Variants in ARNT2 observed in about 807,000 individuals in gnomAD.
ARNT2 encodes aryl hydrocarbon receptor nuclear translocator 2.
In ARNT2, 36 loss-of-function variants were observed where a neutral mutation model predicts 91.7. The ratio of observed to expected loss-of-function variants is 0.39; its 90% CI spans 0.30 to 0.52. ARNT2 has a LOEUF of 0.52. Ranked by LOEUF, ARNT2 falls within the 20% of genes least tolerant of loss-of-function variation. The pLI, the probability that ARNT2 is intolerant of heterozygous loss-of-function variation, is 0.72. For missense variants in ARNT2, 775 were observed against 939.3 expected, an observed-to-expected ratio of 0.83 and a Z score of 2.29; for synonymous variants, 365 against 347.1, an observed-to-expected ratio of 1.05 and a Z score of -0.57.
At position 80,541,715 on chromosome 15, in the gene ARNT2, G is replaced by A. The variant is rs567087960; in HGVS notation, c.878-9484G>A. On this transcript the variant is annotated intron_variant, in intron 8 of 18. Coordinates refer to ENST00000303329, the MANE Select transcript of ARNT2 (RefSeq NM_014862.4). ...CACTTTTAAAGGTCATGTACTGTTA[G>A]AGGATATTGTGCAAACAATGCTTGG... 6.6e-5 allele frequency among the ~76,000 whole-genome samples: 10 copies of A among 152,346 alleles called. No homozygotes were observed. The South Asian group carries it at 2.1e-3, about 32-fold the overall frequency.
At chr15:80,429,259 G>A (rs988350556) in intron 1 of ARNT2, among the ~76,000 whole-genome samples, 1 of 152,204 alleles carries the variant, frequency 6.6e-6, no homozygotes, top group African/African-American at 2.4e-5. Flanking sequence ...CTCTGTGCAG[G>A]ATTAGAGGGT....
At chr15:80,572,996 C>T (rs561648390) in intron 12 of ARNT2, among the ~76,000 whole-genome samples, 1 of 152,314 alleles carries the variant, frequency 6.6e-6, no homozygotes, top group East Asian at 1.9e-4. Flanking sequence ...TACTTCCTTC[C>T]ACTGAATAAT....
chr15:80,506,830 G>C (rs752455402), intron 5 of ARNT2, among the ~76,000 whole-genome samples: 6 of 152,218 alleles, frequency 3.9e-5, no homozygotes, highest in Non-Finnish European at 5.9e-5. Flanking sequence ...CTGAGGAAGA[G>C]GGGCTGCCCC....
intron 13 of ARNT2, 97 bp downstream of exon 13, chr15:80,574,317 G>A (rs1898631948): frequency 4.2e-6 from 5 of 1,202,218 alleles, no homozygotes; most frequent in Non-Finnish European, 6.1e-6. Flanking sequence ...TCAACACAAA[G>A]GATTGCCCCA....
At chr15:80,445,054 CG>C (rs1408320601) in intron 1 of ARNT2, 1 of 122,066 alleles carries the variant, frequency 8.2e-6, no homozygotes, top group Non-Finnish European at 1.7e-5. Flanking sequence ...AGGGTGTGTA[CG>C]TGTGTTGATG....
rs1001738892 is a variant in ARNT2, at chr15:80,411,620, C to G, written c.31+7074C>G. ...AATAAGGAGCCTTGGACACACAAAGCTCATCATTCTTCCCAGAAGAAGATT... is the reference window on the plus strand; with the variant it reads ...AATAAGGAGCCTTGGACACACAAAGGTCATCATTCTTCCCAGAAGAAGATT... On this transcript the variant is annotated intron_variant, in intron 1 of 18. Coordinates refer to ENST00000303329, the MANE Select transcript of ARNT2 (RefSeq NM_014862.4). Among the ~76,000 whole-genome samples the G allele has an allele frequency of 3.9e-5, 6 of 152,336 alleles. No individual in the cohort carries two copies. The East Asian group carries it at 7.7e-4, about 20-fold the overall frequency.
At chr15:80,555,437 G>A (rs1417892096) in intron 11 of ARNT2, 1 of 355,494 alleles carries the variant, frequency 2.8e-6, no homozygotes, top group Non-Finnish European at 5.2e-6. Context: ...TTCCAGGGGA[G>A]AGAATAACTG....
intron 1 of ARNT2, among the ~76,000 whole-genome samples, chr15:80,448,769 G>A (rs1328086972): frequency 1.3e-5 from 2 of 152,158 alleles, no homozygotes; most frequent in African/African-American, 2.4e-5. Flanking sequence ...AGATCATGAG[G>A]TCAGGAGATG....
intron 1 of ARNT2, 49 bp from the exon 2 acceptor site, chr15:80,450,831 C>G: frequency 6.3e-7 from 1 of 1,587,038 alleles, no homozygotes; most frequent in East Asian, 2.2e-5. Flanking sequence ...TTGCCCGTTA[C>G]TGGGCTTTTC....
chr15:80,597,067 G>C lies in ARNT2; in HGVS notation c.*3369G>C. On this transcript the variant is annotated 3_prime_UTR_variant, in exon 19 of 19. Transcript: ENST00000303329. ...TGCAGAGAGTGGGGGGATTCTGGTT[G>C]TTAAGGAACTTACACTGGGGAGCTT... 2.0e-6 allele frequency: 1 copy of C among 493,750 alleles called. No homozygotes were observed. The highest frequency in any genetic ancestry group is 4.1e-6 in the Non-Finnish European group (1 of 246,858). 30.6% of individuals were successfully genotyped at this position (493,750 alleles called of 1,614,324 possible). A position where few individuals can be genotyped will look rare whatever the true frequency, so the allele number is the denominator to read the frequency against.
At chr15:80,453,410 G>T (rs1896432741) in intron 2 of ARNT2, among the ~76,000 whole-genome samples, 1 of 152,148 alleles carries the variant, frequency 6.6e-6, no homozygotes, top group Admixed American at 6.5e-5. Flanking sequence ...GATTCCACTT[G>T]CCAAGCCTCA....
chr15:80,592,581 C>T (rs574816542), intron 18 of ARNT2, among the ~76,000 whole-genome samples: 1 of 152,238 alleles, frequency 6.6e-6, no homozygotes, highest in Admixed American at 6.5e-5. Context: ...TCATCCCAAG[C>T]CCCTCTCCTG....
intron 5 of ARNT2, among the ~76,000 whole-genome samples, chr15:80,482,176 C>T (rs1420214059): frequency 1.3e-5 from 2 of 152,172 alleles, no homozygotes; most frequent in Non-Finnish European, 2.9e-5. Context: ...TCCCAAAGTG[C>T]CAGGATTATA....
intron 5 of ARNT2, among the ~76,000 whole-genome samples, chr15:80,478,272 T>TGGGGAAGCTGCC (rs1896835833): frequency 6.6e-6 from 1 of 152,202 alleles, no homozygotes; most frequent in Non-Finnish European, 1.5e-5. Context: ...GAGACCCAGC[T>TGGGGAAGCTGCC]GGGGAAGCTG....
intron 12 of ARNT2, among the ~76,000 whole-genome samples, chr15:80,564,974 A>C (rs1424755764): frequency 4.7e-5 from 7 of 150,422 alleles, no homozygotes; most frequent in Admixed American, 6.6e-5. Context: ...ACCTAGGCTG[A>C]GGTGCAGTGG....
intron 1 of ARNT2, among the ~76,000 whole-genome samples, chr15:80,428,225 A>T (rs1895959618): frequency 6.6e-6 from 1 of 152,240 alleles, no homozygotes; most frequent in Non-Finnish European, 1.5e-5. Context: ...CACCATGTCG[A>T]TGCACAGACC....
intron 5 of ARNT2, among the ~76,000 whole-genome samples, chr15:80,506,952 T>TAG (rs1399479094): frequency 6.6e-6 from 1 of 151,948 alleles, no homozygotes; most frequent in Non-Finnish European, 1.5e-5. Context: ...TTGGGCCACA[T>TAG]AGAGAGCCCT....
At chr15:80,489,856 G>T (rs1373396394) in intron 5 of ARNT2, among the ~76,000 whole-genome samples, 1 of 152,196 alleles carries the variant, frequency 6.6e-6, no homozygotes, top group Non-Finnish European at 1.5e-5. Context: ...CTGGGTTTGA[G>T]TCTTCGTTTC....
chr15:80,441,807 A>G (rs1896195595), intron 1 of ARNT2, among the ~76,000 whole-genome samples: 1 of 152,254 alleles, frequency 6.6e-6, no homozygotes, highest in Admixed American at 6.5e-5. Context: ...ATGCTGCATT[A>G]TAAGCCAGAT....
Sources: gnomAD v4.1 joint callset for allele counts (sites outside exome capture counted in the v4.1 genomes callset) on GRCh38, gnomAD v4.1.1 for gene constraint, MANE v1.5 for transcripts, NCBI Gene and HGNC (gene_info 2026-07-23, HGNC 2026-07-21) for gene names.